Variants in MYH9 observed in about 807,000 individuals in gnomAD.
The protein encoded by MYH9 is myosin-9.
Under a neutral mutation model 241.9 loss-of-function variants are expected in MYH9, and 29 were observed. The ratio of observed to expected loss-of-function variants is 0.12; its 90% CI spans 0.09 to 0.16. The LOEUF is 0.16. Ranked by LOEUF, MYH9 falls within the 10% of genes least tolerant of loss-of-function variation. The probability of loss-of-function intolerance (pLI) is 1.00; values close to 1 mark genes in which losing one functional copy is unlikely to be tolerated. For synonymous variants in MYH9, 1,047 were observed against 1,062.6 expected (o/e 0.99, Z 0.29); for missense variants, 1,803 against 2,595.5 (o/e 0.69, Z 6.63).
At chr22:36,303,732 C>T (rs1299694412) in intron 19 of MYH9, among the ~76,000 whole-genome samples, 2 of 149,256 alleles carry the variant, frequency 1.3e-5, no homozygotes, top group Non-Finnish European at 3.0e-5. Flanking sequence ...TTGCAGTGAG[C>T]CGAGAACGCA....
chr22:36,296,164 G>A (rs576336777), intron 25 of MYH9, among the ~76,000 whole-genome samples: 1 of 152,318 alleles, frequency 6.6e-6, no homozygotes, highest in African/African-American at 2.4e-5. Flanking sequence ...CGGTGCGTGA[G>A]TGGGGCAGTG....
intron 1 of MYH9, among the ~76,000 whole-genome samples, chr22:36,370,180 C>T (rs1355498663): frequency 6.6e-6 from 1 of 152,180 alleles, no homozygotes; most frequent in African/African-American, 2.4e-5. Flanking sequence ...GTATGACTCA[C>T]TCAAGGTCAA....
intron 1 of MYH9, among the ~76,000 whole-genome samples, chr22:36,357,574 G>A (rs569875930): frequency 6.6e-6 from 1 of 152,264 alleles, no homozygotes; most frequent in Non-Finnish European, 1.5e-5. Context: ...GGGGGTTGCG[G>A]GGGAAGACAA....
chr22:36,288,190 T>C lies in MYH9; in HGVS notation c.4932+62A>G. On this transcript the variant is annotated intron_variant, in intron 34 of 40. Transcript: ENST00000216181. This position sits in a 1 kb window ranked among gnomAD's most constrained non-coding sequence, Gnocchi z 4.8. ...CCGCCCTGGGCCGAGCCCTGGCACC[T>C]TCATATGTAGTTGGCTCAGTCGGGT... is the stretch of plus-strand genomic sequence containing the variant. 1.2e-6 allele frequency: 2 copies of C among 1,602,910 alleles called. No homozygotes were observed. The highest frequency in any genetic ancestry group is 4.5e-5 in the East Asian group (2 of 44,820).
At chr22:36,316,486 A>G (rs372240890) in intron 12 of MYH9, 31 bp downstream of exon 12, 9 of 1,613,944 alleles carry the variant, frequency 5.6e-6, no homozygotes, top group Admixed American at 1.7e-5. Context: ...CCAAGGAGGC[A>G]GCAGGGTGGG....
Position 36,321,830 on chromosome 22 carries a change from G to C in MYH9, c.706-9C>G, listed in dbSNP as rs778356498. ...ATGCGAATGAATTTGCCCTAAGTAA[G>C]AAAGGATAGCAAGAGATCAGAGGTG... On this transcript the variant is annotated splice_polypyrimidine_tract_variant and intron_variant, in intron 6 of 40. Transcript: ENST00000216181. The C allele has an allele frequency of 5.0e-6, 8 of 1,613,344 alleles. No homozygotes were observed. The highest frequency in any genetic ancestry group is 6.8e-6 in the Non-Finnish European group (8 of 1,179,418).
intron 14 of MYH9, among the ~76,000 whole-genome samples, chr22:36,309,960 G>C (rs2017033855): frequency 6.6e-6 from 1 of 152,108 alleles, no homozygotes; most frequent in African/African-American, 2.4e-5. Flanking sequence ...ATTTTAAATA[G>C]AGATAGGGGC....
At chr22:36,366,276 A>ACCAC in intron 1 of MYH9, among the ~76,000 whole-genome samples, 1 of 152,226 alleles carries the variant, frequency 6.6e-6, no homozygotes, top group Non-Finnish European at 1.5e-5. Context: ...CTTGAAAAAC[A>ACCAC]CCACCGTGAC....
chr22:36,326,429 A>G (rs372278007), intron 5 of MYH9, 139 bp downstream of exon 5: 31 of 866,264 alleles, frequency 3.6e-5, no homozygotes, highest in East Asian at 4.9e-5. Context: ...CACTGCCTCA[A>G]TGGAAATGGG....
Position 36,299,059 on chromosome 22 carries a change from A to G in MYH9, c.2977-17T>C. 6.2e-7 allele frequency: 1 copy of G among 1,613,958 alleles called. No homozygotes were observed. The highest frequency in any genetic ancestry group is 8.5e-7 in the Non-Finnish European group (1 of 1,179,956). On this transcript the variant is annotated splice_polypyrimidine_tract_variant and intron_variant, in intron 23 of 40. Coordinates refer to ENST00000216181, the MANE Select transcript of MYH9 (RefSeq NM_002473.6). ...TTTCTTTTCCTGGGGAGAGGGGAGTAGGCTGGCATTTAGTGTTGGTTGAGC... is the reference window on the plus strand; with the variant it reads ...TTTCTTTTCCTGGGGAGAGGGGAGTGGGCTGGCATTTAGTGTTGGTTGAGC...
At chr22:36,340,687 G>A (rs552587468) in intron 3 of MYH9, among the ~76,000 whole-genome samples, 10 of 151,934 alleles carry the variant, frequency 6.6e-5, no homozygotes, top group Non-Finnish European at 1.0e-4. Context: ...AGAAAGAAAG[G>A]AAGTGGTAGA....
Position 36,302,613 on chromosome 22 carries a change from G to A in MYH9, c.2454C>T (p.Ala818=), listed in dbSNP as rs2016897057. 6.2e-7 allele frequency: 1 copy of A among 1,613,668 alleles called. No individual in the cohort carries two copies. The highest frequency in any genetic ancestry group is 8.5e-7 in the Non-Finnish European group (1 of 1,179,986). The change falls in exon 20 of 41, where the codon GCC becomes GCT. Residue 818 remains alanine (A), a synonymous_variant. Coordinates refer to ENST00000216181, the MANE Select transcript of MYH9 (RefSeq NM_002473.6). ...AMKVLQRNCA[A]YLKLRNWQWW... is the part of the protein sequence containing the mutation. ...ACTGCCAGTTCCGCAGCTTCAGGTA[G>A]GCAGCGCAGTTCCGCTGGAGGACCT...
rs2017723275 is a variant in MYH9, at chr22:36,348,897, C to T, written c.333+7G>A. 1.9e-6 allele frequency: 3 copies of T among 1,605,308 alleles called. No homozygotes were observed. In the Admixed American group the frequency reaches 5.0e-5, roughly 27 times the overall value. On this transcript the variant is annotated splice_region_variant and intron_variant, in intron 2 of 40. Coordinates refer to ENST00000216181, the MANE Select transcript of MYH9 (RefSeq NM_002473.6). ...CCAGCCTGCGGGGTGCCACGGCAGC[C>T]ACTTACGTAGATGAGCCCTGAGTAG...
Position 36,387,905 on chromosome 22 carries a change from G to C in MYH9, c.-118C>G, listed in dbSNP as rs890650146. On this transcript the variant is annotated 5_prime_UTR_variant, in exon 1 of 41. Transcript: ENST00000216181. ...CGGGTGGGGCGAGCGCACGAGGCGG[G>C]AGCTGCAGCAGGTCAGCCTTGCTTA... 8 of 152,324 alleles carry C rather than the reference G, an allele frequency of 5.3e-5. No individual in the cohort carries two copies. In the East Asian group the frequency reaches 1.4e-3, roughly 26 times the overall value. The allele number at this position is 152,324 out of a possible 1,614,324, so 9.4% of individuals were successfully genotyped here. A position where few individuals can be genotyped will look rare whatever the true frequency, so the allele number is the denominator to read the frequency against.
intron 5 of MYH9, among the ~76,000 whole-genome samples, chr22:36,323,899 G>A (rs563724150): frequency 3.9e-5 from 6 of 152,362 alleles, no homozygotes; most frequent in East Asian, 3.9e-4. Context: ...CTACGTGTGC[G>A]CTGGGCACCA....
At chr22:36,328,160 G>A (rs1235495099) in intron 3 of MYH9, among the ~76,000 whole-genome samples, 1 of 152,214 alleles carries the variant, frequency 6.6e-6, no homozygotes. Flanking sequence ...GAGGCAGCTT[G>A]TAAAGAATGA....
In MYH9 at chr22:36,297,172, A is replaced by G. The variant is rs554402843; in HGVS notation, c.3101-158T>C. 1.8e-5 allele frequency: 14 copies of G among 795,846 alleles called. No homozygotes were observed. The South Asian group carries it at 2.1e-4, about 12-fold the overall frequency. The allele number at this position is 795,846 out of a possible 1,614,324, so 49.3% of individuals were successfully genotyped here. On this transcript the variant is annotated intron_variant, in intron 24 of 40. Transcript: ENST00000216181. ...TCGCACCCAACTCCTGGATGCAGGA[A>G]GAGGACATCACTGCAAACTGCTAGC...
intron 25 of MYH9, among the ~76,000 whole-genome samples, chr22:36,296,577 A>G (rs2016791465): frequency 6.9e-6 from 1 of 143,936 alleles, no homozygotes; most frequent in Non-Finnish European, 1.5e-5. Flanking sequence ...GTGTGCCTAT[A>G]GCAAGAAATT....
chr22:36,362,146 G>A (rs1030491422), intron 1 of MYH9, among the ~76,000 whole-genome samples: 2 of 152,170 alleles, frequency 1.3e-5, no homozygotes, highest in African/African-American at 4.8e-5. Context: ...GGAAAATACT[G>A]GGGACTTGCA....
Sources: allele counts gnomAD v4.1 joint callset (sites outside exome capture counted in the v4.1 genomes callset), GRCh38; gene constraint gnomAD v4.1.1; non-coding constraint Gnocchi (gnomAD v3.1); transcripts MANE v1.5; gene names NCBI Gene and HGNC (gene_info 2026-07-23, HGNC 2026-07-21).